Variants in ZC3H4 observed in about 807,000 individuals in gnomAD.
The protein encoded by ZC3H4 is zinc finger CCCH-type containing 4, also known as zinc finger CCCH domain-containing protein 4.
ZC3H4 carries 13 observed loss-of-function variants against 108.3 expected under a neutral mutation model. The ratio of observed to expected loss-of-function variants is 0.12; its 90% CI spans 0.08 to 0.19. The LOEUF (loss-of-function observed/expected upper bound fraction) is 0.19. Among genes scored for constraint, ZC3H4 ranks in the 10% least tolerant of loss-of-function variants. ZC3H4 has a pLI of 1.00. For missense variants in ZC3H4, 1,734 were observed against 1,838.8 expected (o/e 0.94, Z 1.04); for synonymous variants, 917 against 749.6 (o/e 1.22, Z -3.65).
chr19:47,096,757 G>A lies in ZC3H4; in HGVS notation c.162-2149C>T, dbSNP rs951125991. On this transcript the variant is annotated intron_variant, in intron 2 of 14. Coordinates refer to ENST00000253048, the MANE Select transcript of ZC3H4 (RefSeq NM_015168.2). Reference sequence around the variant, plus strand: ...TGAGAGGGACATGATCACCACCCAGGCCACTAATATTTTAAATGCCATATC... The same window carrying A: ...TGAGAGGGACATGATCACCACCCAGACCACTAATATTTTAAATGCCATATC... 18 of 967,134 alleles carry A rather than the reference G, an allele frequency of 1.9e-5. No individual in the cohort carries two copies. The African/African-American group carries it at 3.2e-4, about 17-fold the overall frequency. 59.9% of individuals were successfully genotyped at this position (967,134 alleles called of 1,614,324 possible).
intron 5 of ZC3H4, 27 bp from the exon 6 acceptor site, chr19:47,086,565 T>A: frequency 6.4e-7 from 1 of 1,555,438 alleles, no homozygotes. Flanking sequence ...ATAGTGAGCC[T>A]CCAGCAGGAG....
chr19:47,075,902 G>A (rs1481531948), intron 11 of ZC3H4, among the ~76,000 whole-genome samples: 2 of 152,118 alleles, frequency 1.3e-5, no homozygotes, highest in African/African-American at 4.8e-5. Flanking sequence ...ACCCTGTGGA[G>A]GGCACCTCTG....
At chr19:47,112,770 G>A (rs2058057236) in intron 1 of ZC3H4, among the ~76,000 whole-genome samples, 181 bp from the exon 2 acceptor site, 1 of 152,142 alleles carries the variant, frequency 6.6e-6, no homozygotes, top group Non-Finnish European at 1.5e-5. Flanking sequence ...GCCGCTCGCC[G>A]CCTGCTTTCT....
At chr19:47,069,696 C>T (rs1200084408) in intron 13 of ZC3H4, among the ~76,000 whole-genome samples, 1 of 152,192 alleles carries the variant, frequency 6.6e-6, no homozygotes, top group African/African-American at 2.4e-5. Context: ...GATTTCTGTA[C>T]TCTTTCCTGT....
At chr19:47,097,369 A>G (rs548214748) in intron 2 of ZC3H4, among the ~76,000 whole-genome samples, 92 of 152,190 alleles carry the variant, frequency 6.0e-4, no homozygotes, top group Non-Finnish European at 1.1e-3. Context: ...CAGCAACAAT[A>G]AACAGATCAC....
chr19:47,101,868 GAAAA>G (rs754543267), intron 2 of ZC3H4, among the ~76,000 whole-genome samples: 1 of 127,138 alleles, frequency 7.9e-6, no homozygotes, highest in Non-Finnish European at 1.7e-5. Context: ...ACTCTGTCTC[GAAAA>G]AAAAAAAAAA....
chr19:47,090,288 TG>T, intron 4 of ZC3H4, 99 bp from the exon 5 acceptor site: 2 of 1,308,390 alleles, frequency 1.5e-6, no homozygotes, highest in Non-Finnish European at 2.1e-6. Flanking sequence ...CATGTCTGTC[TG>T]GGTGTCACTA....
chr19:47,101,946 A>T (rs2057909686), intron 2 of ZC3H4, among the ~76,000 whole-genome samples: 1 of 152,084 alleles, frequency 6.6e-6, no homozygotes, highest in South Asian at 2.1e-4. Flanking sequence ...AGGCAGGAGA[A>T]TTGCTTGAAC....
chr19:47,112,536 G>A lies in ZC3H4; in HGVS notation c.49C>T (p.Pro17Ser). The change falls in exon 2 of 15, where the codon CCG becomes TCG. Residue 17 changes from proline to serine, a missense_variant. Physicochemically the swap from Pro to Ser is moderately conservative, Grantham distance 74 (BLOSUM62 -1). Coordinates refer to ENST00000253048, the MANE Select transcript of ZC3H4 (RefSeq NM_015168.2). ...TPPPPPSESP[P>S]PPSPPPPSTP... is the part of the protein sequence containing the mutation. ...GATGGCGGCGGCGGCGATGGCGGCG[G>A]CGGCGACTCTGATGGCGGCGGCGGG... 2.8e-6 allele frequency: 3 copies of A among 1,059,514 alleles called. No homozygotes were observed. Among genetic ancestry groups the A allele is most frequent in the Non-Finnish European group, 3.6e-6 (3 of 823,588 alleles). 65.6% of individuals were successfully genotyped at this position (1,059,514 alleles called of 1,614,324 possible). A position where few individuals can be genotyped will look rare whatever the true frequency, so the allele number is the denominator to read the frequency against.
chr19:47,083,240 T>C (rs957958491), intron 9 of ZC3H4, among the ~76,000 whole-genome samples: 2 of 148,246 alleles, frequency 1.3e-5, no homozygotes, highest in Admixed American at 1.3e-4. Context: ...AGGCAGAACT[T>C]GCAGTGAGGC....
chr19:47,099,679 G>A (rs935387268), intron 2 of ZC3H4, among the ~76,000 whole-genome samples: 33 of 152,004 alleles, frequency 2.2e-4, no homozygotes, highest in African/African-American at 4.1e-4. Context: ...ACAAAAAGGC[G>A]TAGGGAGAGC....
intron 2 of ZC3H4, among the ~76,000 whole-genome samples, chr19:47,108,488 T>C (rs899402919): frequency 2.6e-5 from 4 of 152,152 alleles, no homozygotes; most frequent in Non-Finnish European, 5.9e-5. Context: ...TTCTCTCCCA[T>C]CAGGGAAGAA....
Position 47,071,895 on chromosome 19 carries a change from C to T in ZC3H4, c.2029G>A (p.Gly677Arg). The T allele has an allele frequency of 6.2e-7, 1 of 1,612,582 alleles. No homozygotes were observed. The highest frequency in any genetic ancestry group is 8.5e-7 in the Non-Finnish European group (1 of 1,179,330). Residue 677 changes from glycine (G) to arginine (R), a missense_variant, in exon 13 of 15, where the codon GGA (glycine) becomes AGA (arginine). Around this residue, in one of 9 missense-constraint regions of ZC3H4, gnomAD observed 540 missense variants for 484.1 expected, o/e 1.12. Transcript: ENST00000253048. ...ATCATTCCAGAATGTGGGGAGTCTC[C>T]AGGGCCGTAGGGCATCATTGGAGGG... ...GGPPMMPYGP[G>R]DSPHSGMMPP...
At chr19:47,105,448 G>A (rs888896978) in intron 2 of ZC3H4, among the ~76,000 whole-genome samples, 1 of 152,064 alleles carries the variant, frequency 6.6e-6, no homozygotes, top group Non-Finnish European at 1.5e-5. Context: ...TAAAAACACA[G>A]AAATTAGCTG....
chr19:47,110,200 A>C (rs906250514), intron 2 of ZC3H4, among the ~76,000 whole-genome samples: 1 of 152,074 alleles, frequency 6.6e-6, no homozygotes, highest in Admixed American at 6.6e-5. Flanking sequence ...TACTTGAACC[A>C]ATCTTTTTTG....
intron 2 of ZC3H4, 118 bp from the exon 3 acceptor site, chr19:47,094,726 C>T: frequency 3.0e-6 from 3 of 997,042 alleles, no homozygotes; most frequent in Non-Finnish European, 4.5e-6. Flanking sequence ...CGAAGTGAGA[C>T]CCTGGGAGGA....
chr19:47,097,953 G>A (rs1479124370), intron 2 of ZC3H4, among the ~76,000 whole-genome samples: 2 of 152,226 alleles, frequency 1.3e-5, no homozygotes, highest in East Asian at 1.9e-4. Flanking sequence ...ACCACCCTGG[G>A]AGACCGACTT....
chr19:47,109,171 C>T (rs920762264), intron 2 of ZC3H4, among the ~76,000 whole-genome samples: 7 of 152,040 alleles, frequency 4.6e-5, no homozygotes, highest in Non-Finnish European at 7.4e-5. Context: ...AAAGGCAGTA[C>T]TGTGACATTT....
chr19:47,093,201 G>C (rs1042320074), intron 4 of ZC3H4, among the ~76,000 whole-genome samples: 11 of 132,528 alleles, frequency 8.3e-5, no homozygotes, highest in Non-Finnish European at 3.1e-5. Flanking sequence ...GGGCGACAGA[G>C]TGAGACTCTG....
Sources: gnomAD v4.1 joint callset for allele counts (sites outside exome capture counted in the v4.1 genomes callset) on GRCh38, gnomAD v4.1.1 for gene constraint, gnomAD v4.1.1 regional missense constraint, MANE v1.5 for transcripts, NCBI Gene and HGNC (gene_info 2026-07-23, HGNC 2026-07-21) for gene names.